NFIB: variants seen among roughly 807,000 people sequenced by gnomAD.
The protein encoded by NFIB is nuclear factor 1 B-type.
In NFIB, 11 loss-of-function variants were observed where a neutral mutation model predicts 61.5. That is an observed-to-expected ratio of 0.18 (90% CI 0.11 to 0.30). The LOEUF is 0.30. NFIB is among the 10% of genes least tolerant of loss of function. The pLI is 1.00. For missense variants in NFIB, 471 were observed against 608.9 expected (o/e 0.77, Z 2.38); for synonymous variants, 260 against 216.5 (o/e 1.20, Z -1.76).
the NFIB span, among the ~76,000 whole-genome samples, chr9:14,494,265 C>T: frequency 2.8e-4 from 43 of 152,328 alleles, no homozygotes; most frequent in Non-Finnish European, 2.6e-4. Context: ...AGATAATAAA[C>T]AGCAATCTTA....
At chr9:14,339,285 G>A (rs559022812) in intron 1 of NFIB, among the ~76,000 whole-genome samples, 1 of 152,312 alleles carries the variant, frequency 6.6e-6, no homozygotes, top group South Asian at 2.1e-4. Flanking sequence ...TGTTGTTGCT[G>A]TGATTATTAT....
intron 6 of NFIB, among the ~76,000 whole-genome samples, chr9:14,129,437 T>C (rs907125418): frequency 6.8e-6 from 1 of 147,852 alleles, no homozygotes. Context: ...CTCTCTAGAC[T>C]AGAAGGGGAA....
At chr9:14,169,446 G>C (rs984938460) in intron 3 of NFIB, among the ~76,000 whole-genome samples, 1 of 152,104 alleles carries the variant, frequency 6.6e-6, no homozygotes, top group Admixed American at 6.6e-5. Flanking sequence ...ACCCCAAAAA[G>C]ATTTGTAACA....
At chr9:14,231,049 A>C (rs1444212333) in intron 2 of NFIB, among the ~76,000 whole-genome samples, 1 of 149,160 alleles carries the variant, frequency 6.7e-6, no homozygotes, top group African/African-American at 2.5e-5. Context: ...CCACTCTGTC[A>C]CTAGAACAAA....
chr9:14,122,695 C>A (rs1013611137), intron 7 of NFIB, among the ~76,000 whole-genome samples: 2 of 152,182 alleles, frequency 1.3e-5, no homozygotes, highest in African/African-American at 4.8e-5. Flanking sequence ...CACATCTGTA[C>A]ACAAACCCTG....
At chr9:14,188,225 A>C (rs1209699605) in intron 2 of NFIB, among the ~76,000 whole-genome samples, 1 of 152,182 alleles carries the variant, frequency 6.6e-6, no homozygotes, top group Non-Finnish European at 1.5e-5. Context: ...TTGATTTGTA[A>C]TCTTATTTAA....
intron 10 of NFIB, among the ~76,000 whole-genome samples, chr9:14,111,757 A>G (rs1357655394): frequency 6.6e-6 from 1 of 152,142 alleles, no homozygotes; most frequent in Non-Finnish European, 1.5e-5. Flanking sequence ...TATTTTCATA[A>G]CTGTGTACAG....
chr9:14,238,735 G>A (rs891416810), intron 2 of NFIB, among the ~76,000 whole-genome samples: 2 of 152,068 alleles, frequency 1.3e-5, no homozygotes, highest in African/African-American at 4.8e-5. Flanking sequence ...TTTGGAACTT[G>A]GTATCTTTGG....
the NFIB span, among the ~76,000 whole-genome samples, chr9:14,428,517 G>A: frequency 1.3e-5 from 2 of 152,272 alleles, no homozygotes; most frequent in Admixed American, 1.3e-4. Flanking sequence ...GGGAAGGAAA[G>A]GTTGAGATGG....
At chr9:14,214,100 G>C (rs907285899) in intron 2 of NFIB, among the ~76,000 whole-genome samples, 1 of 152,022 alleles carries the variant, frequency 6.6e-6, no homozygotes, top group Non-Finnish European at 1.5e-5. Flanking sequence ...CCCCAAATAG[G>C]CCACATCCTA....
At chr9:14,358,682 G>T (rs13296301) in intron 1 of NFIB, among the ~76,000 whole-genome samples, 50,418 of 151,924 alleles carry the variant, frequency 0.33, 9,123 homozygotes, top group African/African-American at 0.46. Flanking sequence ...CAGTTCATGT[G>T]GTTTGGCTAT....
chr9:14,267,020 G>C (rs1036252990), intron 2 of NFIB, among the ~76,000 whole-genome samples: 15 of 152,086 alleles, frequency 9.9e-5, no homozygotes, highest in African/African-American at 3.6e-4. Flanking sequence ...CAAATTTTGG[G>C]CTGTGAGCTT....
chr9:14,380,565 T>C (rs1022328104), intron 1 of NFIB, among the ~76,000 whole-genome samples: 1 of 152,216 alleles, frequency 6.6e-6, no homozygotes, highest in African/African-American at 2.4e-5. Flanking sequence ...GGGAAATGAT[T>C]AGAGCAAGCT....
At chr9:14,321,421 G>T (rs886235088) in intron 1 of NFIB, among the ~76,000 whole-genome samples, 1 of 152,142 alleles carries the variant, frequency 6.6e-6, no homozygotes, top group Non-Finnish European at 1.5e-5. Context: ...ACTTTAGAAT[G>T]AATACTGACT....
chr9:14,416,499 T>G, the NFIB span, among the ~76,000 whole-genome samples: 1 of 146,082 alleles, frequency 6.8e-6, no homozygotes, highest in Non-Finnish European at 1.5e-5. Context: ...TGTGTCCTAG[T>G]TTTTAACAAA....
chr9:14,526,178 T>A, the NFIB span, among the ~76,000 whole-genome samples: 1 of 151,984 alleles, frequency 6.6e-6, no homozygotes, highest in African/African-American at 2.4e-5. Context: ...AAAATGAACA[T>A]AGTATGTGAG....
At chr9:14,334,644 CTT>C (rs1313345153) in intron 1 of NFIB, among the ~76,000 whole-genome samples, 1 of 152,094 alleles carries the variant, frequency 6.6e-6, no homozygotes, top group Non-Finnish European at 1.5e-5. Flanking sequence ...CAATTCCACT[CTT>C]TTAATGTTGC....
chr9:14,289,472 T>C (rs572262447), intron 2 of NFIB, among the ~76,000 whole-genome samples: 15 of 151,876 alleles, frequency 9.9e-5, no homozygotes, highest in East Asian at 7.7e-4. Context: ...AGGTTCAATA[T>C]ATATTTGGTA....
At chr9:14,440,264 A>T in the NFIB span, among the ~76,000 whole-genome samples, 69 of 152,138 alleles carry the variant, frequency 4.5e-4, no homozygotes, top group Non-Finnish European at 8.4e-4. Context: ...AGCACCTAGG[A>T]CAGAGCACAC....
Sources: gnomAD v4.1 joint callset for allele counts (sites outside exome capture counted in the v4.1 genomes callset) on GRCh38, gnomAD v4.1.1 for gene constraint, MANE v1.5 for transcripts, NCBI Gene and HGNC (gene_info 2026-07-23, HGNC 2026-07-21) for gene names.